LRBA: variants seen among roughly 807,000 people sequenced by gnomAD.
LRBA encodes the protein LPS responsive beige-like anchor protein.
In LRBA, 176 loss-of-function variants were observed where a neutral mutation model predicts 330.0. The observed-to-expected ratio is 0.53, with a 90% confidence interval of 0.47 to 0.60. The LOEUF (loss-of-function observed/expected upper bound fraction) is 0.60. Ranked by LOEUF, LRBA falls within the 20% of genes least tolerant of loss-of-function variation. The probability of loss-of-function intolerance (pLI) is 0.00; values close to 1 mark genes in which losing one functional copy is unlikely to be tolerated. For missense variants in LRBA, 3,259 were observed against 3,444.8 expected (o/e 0.95, Z 1.35); for synonymous variants, 1,230 against 1,193.0 (o/e 1.03, Z -0.64).
chr4:151,002,569 G>GAAAAAAAAAAAAAAAAAAAA (rs767161173), intron 2 of LRBA, among the ~76,000 whole-genome samples: 1 of 53,738 alleles, frequency 1.9e-5, no homozygotes. Flanking sequence ...CCATCTCTCA[G>GAAAAAAAAAAAAAAAAAAAA]AAAAAAAAAA....
At position 150,871,373 on chromosome 4, in the gene LRBA, G is replaced by A; in HGVS notation, c.2339C>T (p.Thr780Ile). Residue 780 changes from threonine (T) to isoleucine (I), a missense_variant, in exon 19 of 57, where the codon ACA becomes ATA. By Grantham distance (89) the Thr-to-Ile change is moderately conservative (BLOSUM62 -1). Coordinates refer to ENST00000651943, the MANE Select transcript of LRBA (RefSeq NM_001364905.1). ...ERLMLQTNLI[T>I]MTTYNVLFEI... ...AAACAGCACATTATATGTGGTCATT[G>A]TGATTAAATTTGTCTGAAGCATGAG... is the stretch of plus-strand genomic sequence containing the variant. 6.2e-7 allele frequency: 1 copy of A among 1,610,012 alleles called. No homozygotes were observed. Among genetic ancestry groups the A allele is most frequent in the Non-Finnish European group, 8.5e-7 (1 of 1,176,606 alleles).
At chr4:150,788,296 G>A (rs1440393164) in intron 34 of LRBA, among the ~76,000 whole-genome samples, 3 of 137,874 alleles carry the variant, frequency 2.2e-5, no homozygotes, top group African/African-American at 9.2e-5. Context: ...ATAGGGTTTC[G>A]CCATGTTAGC....
At chr4:150,715,095 A>T (rs1341402636) in intron 36 of LRBA, among the ~76,000 whole-genome samples, 1 of 152,226 alleles carries the variant, frequency 6.6e-6, no homozygotes, top group Non-Finnish European at 1.5e-5. Context: ...ACTAATCAAC[A>T]CCTACATCAG....
intron 40 of LRBA, among the ~76,000 whole-genome samples, chr4:150,554,193 C>A (rs909517864): frequency 1.3e-5 from 2 of 152,102 alleles, no homozygotes; most frequent in African/African-American, 4.8e-5. Flanking sequence ...ACCAATTTTG[C>A]CAGGGTCTGA....
chr4:150,921,169 G>A, intron 5 of LRBA, 29 bp downstream of exon 5: 1 of 1,401,106 alleles, frequency 7.1e-7, no homozygotes, highest in African/African-American at 1.4e-5. Context: ...GAAGAACTGG[G>A]AGTGATTTCC....
At chr4:151,012,141 CAG>C (rs1744932068) in intron 2 of LRBA, among the ~76,000 whole-genome samples, 2 of 151,958 alleles carry the variant, frequency 1.3e-5, no homozygotes, top group South Asian at 4.1e-4. Context: ...ACTAACTGAA[CAG>C]ACTCTTCTCT....
At chr4:150,951,675 G>C (rs1245486619) in intron 2 of LRBA, among the ~76,000 whole-genome samples, 2 of 152,108 alleles carry the variant, frequency 1.3e-5, no homozygotes, top group Non-Finnish European at 2.9e-5. Context: ...ATACTTTTCA[G>C]TATTTTTTCC....
At position 150,871,439 on chromosome 4, in the gene LRBA, A is replaced by T; in HGVS notation, c.2273T>A (p.Val758Asp). Residue 758 changes from valine to aspartate, a missense_variant, in exon 19 of 57, where the codon GTC becomes GAC. Val to Asp is a radical substitution (Grantham distance 152). Transcript: ENST00000651943. ...KHLAPKRKAE[V>D]MLGHGLFSLL... The stretch of plus-strand genomic sequence containing the variant: ...TGAAAACAATCCATGTCCAAGCATG[A>T]CTTCTGCTTTCCTCCTGCAATTACA... 6.2e-7 allele frequency: 1 copy of T among 1,607,704 alleles called. No individual in the cohort carries two copies. Among genetic ancestry groups the T allele is most frequent in the Non-Finnish European group, 8.5e-7 (1 of 1,174,602 alleles).
chr4:150,435,612 G>C lies in LRBA; in HGVS notation c.7018C>G (p.Gln2340Glu). 6.2e-7 allele frequency: 1 copy of C among 1,612,728 alleles called. No homozygotes were observed. Among genetic ancestry groups the C allele is most frequent in the South Asian group, 1.1e-5 (1 of 90,736 alleles). ...ACCTTAATATCAGAGGTATCACGCT[G>C]ACTGTTTCGCCAAGCTCTGGAAATT... Reference protein sequence around the residue: ...SSISRAWRNSQRDTSDIKELI... With the variant: ...SSISRAWRNSERDTSDIKELI... The change falls in exon 46 of 57, where the codon CAG (glutamine) becomes GAG (glutamate). Residue 2340 changes from glutamine (Q) to glutamate (E), a missense_variant. Gln to Glu is a conservative substitution (Grantham distance 29, BLOSUM62 2). Coordinates refer to ENST00000651943, the MANE Select transcript of LRBA (RefSeq NM_001364905.1).
Position 150,436,237 on chromosome 4 carries a change from C to T in LRBA, c.6921+487G>A, listed in dbSNP as rs755536504. ...CTAACAAGCTTTAATTAATGATGTGCTGCTAATGCTTTTCCGAAGAAATTG... is the reference window on the plus strand; with the variant it reads ...CTAACAAGCTTTAATTAATGATGTGTTGCTAATGCTTTTCCGAAGAAATTG... On this transcript the variant is annotated intron_variant, in intron 45 of 56. Transcript: ENST00000651943. Among the ~76,000 whole-genome samples, 3 of 152,278 alleles carry T rather than the reference C, an allele frequency of 2.0e-5. No individual in the cohort carries two copies. In the East Asian group the frequency reaches 5.8e-4, roughly 29 times the overall value.
intron 5 of LRBA, among the ~76,000 whole-genome samples, chr4:150,917,990 A>G (rs1732826874): frequency 6.6e-6 from 1 of 152,128 alleles, no homozygotes; most frequent in Admixed American, 6.5e-5. Context: ...AAAACCTACC[A>G]TTAATATAAA....
intron 17 of LRBA, among the ~76,000 whole-genome samples, chr4:150,891,821 G>T (rs1729499892): frequency 6.6e-6 from 1 of 152,152 alleles, no homozygotes; most frequent in Admixed American, 6.5e-5. Context: ...TATAGAGAAT[G>T]AACATTAAAA....
chr4:150,624,525 T>C (rs1173005624), intron 37 of LRBA, among the ~76,000 whole-genome samples: 1 of 152,132 alleles, frequency 6.6e-6, no homozygotes, highest in Non-Finnish European at 1.5e-5. Context: ...GAAAAACATA[T>C]CAAACCTAAA....
At position 151,009,773 on chromosome 4, in the gene LRBA, G is replaced by T. The variant is rs150011337; in HGVS notation, c.216+4654C>A. The stretch of plus-strand genomic sequence containing the variant: ...GGGCGGGTGGATCACGAGGTCAGGA[G>T]ATCCAGGCCATCCTGGCTAACACGG... On this transcript the variant is annotated intron_variant, in intron 2 of 56. Transcript: ENST00000651943. Among the ~76,000 whole-genome samples the T allele has an allele frequency of 6.7e-3, 1,020 of 152,020 alleles. 6 individuals are homozygous for T. Among genetic ancestry groups the T allele is most frequent in the African/African-American group, 0.023 (956 of 41,476 alleles).
intron 52 of LRBA, among the ~76,000 whole-genome samples, chr4:150,305,991 CT>C (rs1444111547): frequency 6.7e-6 from 1 of 148,688 alleles, no homozygotes; most frequent in Non-Finnish European, 1.5e-5. Flanking sequence ...TCTCCACACA[CT>C]AATATCAAAT....
rs1223440489 is a variant in LRBA, at chr4:150,264,902, G to T, written c.*820C>A. On this transcript the variant is annotated 3_prime_UTR_variant, in exon 57 of 57. Coordinates refer to ENST00000651943, the MANE Select transcript of LRBA (RefSeq NM_001364905.1). ...TCTATTTGCAAACCCGGGGAGGGAA[G>T]GGGGTGCCCCAACAAAACAACAGTG... is the stretch of plus-strand genomic sequence containing the variant. 1 of 41,778 alleles carries T rather than the reference G, an allele frequency of 2.4e-5. No individual in the cohort carries two copies. Among genetic ancestry groups the T allele is most frequent in the African/African-American group, 5.4e-5 (1 of 18,438 alleles). The allele number at this position is 41,778 out of a possible 1,614,324, so 2.6% of individuals were successfully genotyped here. A position where few individuals can be genotyped will look rare whatever the true frequency, so the allele number is the denominator to read the frequency against.
Position 150,489,025 on chromosome 4 carries a change from A to C in LRBA, c.6449-1191T>G, listed in dbSNP as rs1758267438. On this transcript the variant is annotated intron_variant, in intron 41 of 56. Transcript: ENST00000651943. The stretch of plus-strand genomic sequence containing the variant: ...GAATATATAATATATTATATATAAG[A>C]ATATATATTATATATAATATATTAT... Among the ~76,000 whole-genome samples, 4 of 115,024 alleles carry C rather than the reference A, an allele frequency of 3.5e-5. No homozygotes were observed. In the South Asian group the frequency reaches 9.9e-4, roughly 28 times the overall value. 75.5% of individuals were successfully genotyped at this position (115,024 alleles called of 152,430 possible). A position where few individuals can be genotyped will look rare whatever the true frequency, so the allele number is the denominator to read the frequency against.
chr4:150,839,025 TAACTC>T (rs761865533), intron 28 of LRBA, among the ~76,000 whole-genome samples: 5 of 151,882 alleles, frequency 3.3e-5, no homozygotes, highest in Non-Finnish European at 5.9e-5. Context: ...AATCTACAAA[TAACTC>T]AAACAAATTT....
chr4:150,740,737 G>A (rs1731842992), intron 35 of LRBA, among the ~76,000 whole-genome samples: 1 of 151,482 alleles, frequency 6.6e-6, no homozygotes. Flanking sequence ...TCTCCACAAA[G>A]CTATTTATAG....
Sources: allele counts gnomAD v4.1 joint callset (sites outside exome capture counted in the v4.1 genomes callset), GRCh38; gene constraint gnomAD v4.1.1; transcripts MANE v1.5; gene names NCBI Gene and HGNC (gene_info 2026-07-23, HGNC 2026-07-21).